Variants in GPATCH1 observed in about 807,000 individuals in gnomAD.
GPATCH1 encodes G-patch domain containing 1.
In GPATCH1, 73 loss-of-function variants were observed where a neutral mutation model predicts 114.9. The ratio of observed to expected loss-of-function variants is 0.64; its 90% CI spans 0.53 to 0.77. The LOEUF (loss-of-function observed/expected upper bound fraction) is 0.77, where lower values mean the gene tolerates loss of function less well. Among genes scored for constraint, GPATCH1 ranks in the 30% least tolerant of loss-of-function variants. The pLI is 0.00. For missense variants in GPATCH1, 1,058 were observed against 1,144.3 expected (o/e 0.92, Z 1.09); for synonymous variants, 391 against 428.4 (o/e 0.91, Z 1.08).
chr19:33,093,685 G>A (rs1001951208), intron 4 of GPATCH1, among the ~76,000 whole-genome samples, 166 bp downstream of exon 4: 2 of 152,116 alleles, frequency 1.3e-5, no homozygotes, highest in African/African-American at 2.4e-5. Flanking sequence ...GTCATTGCAC[G>A]GAGAGATTAA....
intron 17 of GPATCH1, among the ~76,000 whole-genome samples, chr19:33,122,102 T>G (rs1351308847): frequency 6.6e-6 from 1 of 152,008 alleles, no homozygotes; most frequent in Non-Finnish European, 1.5e-5. Flanking sequence ...CACTGCATCC[T>G]CCACCTCCCA....
At chr19:33,093,061 G>A (rs1485091885) in intron 3 of GPATCH1, among the ~76,000 whole-genome samples, 1 of 152,134 alleles carries the variant, frequency 6.6e-6, no homozygotes, top group Admixed American at 6.6e-5. Flanking sequence ...GGTGGTGTGT[G>A]CCTGTAATCC....
At position 33,130,275 on chromosome 19, in the gene GPATCH1, A is replaced by G. The variant is rs1555722409; in HGVS notation, c.*115A>G. ...TTTATATGTAAATTCCTGCTGTAAAATAATTTTTAAAACCTTGACATTTCA... is the reference window on the plus strand; with the variant it reads ...TTTATATGTAAATTCCTGCTGTAAAGTAATTTTTAAAACCTTGACATTTCA... On this transcript the variant is annotated 3_prime_UTR_variant, in exon 20 of 20. Transcript: ENST00000170564. 1 of 652,960 alleles carries G rather than the reference A, an allele frequency of 1.5e-6. No homozygotes were observed. The highest frequency in any genetic ancestry group is 2.6e-6 in the Non-Finnish European group (1 of 385,964). The allele number at this position is 652,960 out of a possible 1,614,324, so 40.4% of individuals were successfully genotyped here.
intron 5 of GPATCH1, among the ~76,000 whole-genome samples, chr19:33,094,813 G>C (rs1038125526): frequency 1.7e-4 from 26 of 152,136 alleles, no homozygotes; most frequent in African/African-American, 6.0e-4. Context: ...CTTATGCTGT[G>C]GGGCAGTATT....
chr19:33,114,558 T>C, intron 15 of GPATCH1, 139 bp downstream of exon 15: 1 of 666,902 alleles, frequency 1.5e-6, no homozygotes, highest in Non-Finnish European at 2.5e-6. Context: ...ATTTGGCTTG[T>C]TTCTAACTTT....
chr19:33,102,605 C>G (rs905111491), intron 9 of GPATCH1, among the ~76,000 whole-genome samples: 28 of 152,076 alleles, frequency 1.8e-4, no homozygotes, highest in African/African-American at 6.5e-4. Context: ...CCATGTTGGT[C>G]AGGCTGGTCT....
intron 15 of GPATCH1, 83 bp from the exon 16 acceptor site, chr19:33,117,742 G>A: frequency 1.1e-6 from 1 of 913,028 alleles, no homozygotes; most frequent in Non-Finnish European, 1.8e-6. Context: ...ATAAATATGT[G>A]TGTCTGGGAG....
Position 33,106,922 on chromosome 19 carries a change from A to G in GPATCH1, c.1285+23A>G. ...AAGGTATGTGCCATGGAGAAGACGG[A>G]AATCATTTCACATAATTCGAGTTAT... On this transcript the variant is annotated intron_variant, in intron 10 of 19. Coordinates refer to ENST00000170564, the MANE Select transcript of GPATCH1 (RefSeq NM_018025.3). 5.8e-6 allele frequency: 9 copies of G among 1,554,252 alleles called. No individual in the cohort carries two copies. The South Asian group carries it at 9.0e-5, about 16-fold the overall frequency.
intron 18 of GPATCH1, 61 bp from the exon 19 acceptor site, chr19:33,126,527 G>A: frequency 6.3e-7 from 1 of 1,598,192 alleles, no homozygotes; most frequent in South Asian, 1.1e-5. Context: ...ACCTTTCATT[G>A]TATTGAATTA....
At chr19:33,101,184 A>C (rs2145316590) in intron 8 of GPATCH1, among the ~76,000 whole-genome samples, 1 of 152,270 alleles carries the variant, frequency 6.6e-6, no homozygotes, top group Admixed American at 6.5e-5. Context: ...TCCACGGGGT[A>C]TATCCTTTGG....
In GPATCH1 at chr19:33,114,282, T is replaced by C. The variant is rs761476530; in HGVS notation, c.2059T>C (p.Ser687Pro). ...KSRKPSRWDT[S>P]KHEKKEDSIS... is the part of the protein sequence containing the mutation. ...AAGAAAACCATCCAGATGGGATACC[T>C]CTAAACACGAAAAGAAAGAAGATTC... Residue 687 changes from serine to proline, a missense_variant, in exon 15 of 20, where the codon TCT becomes CCT. Around this residue, in one of 3 missense-constraint regions of GPATCH1, gnomAD observed 893 missense variants for 977.4 expected, o/e 0.91. Coordinates refer to ENST00000170564, the MANE Select transcript of GPATCH1 (RefSeq NM_018025.3). 1 of 1,612,926 alleles carries C rather than the reference T, an allele frequency of 6.2e-7. No individual in the cohort carries two copies. Among genetic ancestry groups the C allele is most frequent in the African/African-American group, 1.3e-5 (1 of 74,894 alleles).
Position 33,109,759 on chromosome 19 carries a change from AAG to A in GPATCH1, c.1334_1335del (p.Arg445AsnfsTer9). On this transcript the variant is annotated frameshift_variant, in exon 11 of 20. Coordinates refer to ENST00000170564, the MANE Select transcript of GPATCH1 (RefSeq NM_018025.3). LOFTEE classifies it high-confidence loss of function. ...TTAGAATTTCTGTCCCAAAAAGACA[AAG>A]AGAGAATCAAAGAAATGAAGCAGGC... 8 of 1,595,662 alleles carry A rather than the reference AAG, an allele frequency of 5.0e-6. No individual in the cohort carries two copies. The highest frequency in any genetic ancestry group is 3.4e-5 in the South Asian group (3 of 88,270).
chr19:33,112,187 A>G (rs1972862927), intron 12 of GPATCH1, among the ~76,000 whole-genome samples: 1 of 152,050 alleles, frequency 6.6e-6, no homozygotes, highest in Admixed American at 6.6e-5. Flanking sequence ...GCTGGTCTTG[A>G]ACTCCTGACC....
chr19:33,112,403 G>T, intron 12 of GPATCH1, 83 bp from the exon 13 acceptor site: 1 of 1,512,610 alleles, frequency 6.6e-7, no homozygotes, highest in Non-Finnish European at 9.1e-7. Flanking sequence ...AGTTCTAGAA[G>T]ATTGCTTGAA....
rs548720262 is a variant in GPATCH1 at position 33,130,180 on chromosome 19, G to A, written c.*20G>A. On this transcript the variant is annotated 3_prime_UTR_variant, in exon 20 of 20. Transcript: ENST00000170564. ...CAGTAATTGAATGCTGCCCTGGCTC[G>A]TCCTAGAATCATTTCTCCTCCATGA... The A allele has an allele frequency of 3.2e-5, 50 of 1,578,634 alleles. No homozygotes were observed. The highest frequency in any genetic ancestry group is 1.6e-4 in the African/African-American group (12 of 74,268).
At chr19:33,105,514 GTTATTA>G (rs1180488708) in intron 9 of GPATCH1, among the ~76,000 whole-genome samples, 1 of 151,208 alleles carries the variant, frequency 6.6e-6, no homozygotes, top group Admixed American at 6.6e-5. Context: ...AATAACTACA[GTTATTA>G]TTATTATTAA....
chr19:33,084,664 T>C (rs574947609), intron 1 of GPATCH1, among the ~76,000 whole-genome samples: 2 of 151,942 alleles, frequency 1.3e-5, no homozygotes, highest in African/African-American at 4.8e-5. Context: ...TTTTTTTTTT[T>C]TTCTTTTTTT....
intron 1 of GPATCH1, 102 bp downstream of exon 1, chr19:33,081,368 T>A: frequency 5.1e-6 from 4 of 779,692 alleles, no homozygotes; most frequent in Non-Finnish European, 6.2e-6. Context: ...GTTAGATCGT[T>A]CCCAGCGCTG....
chr19:33,103,030 A>G (rs1972744709), intron 9 of GPATCH1, among the ~76,000 whole-genome samples: 1 of 152,210 alleles, frequency 6.6e-6, no homozygotes, highest in Non-Finnish European at 1.5e-5. Flanking sequence ...CTTAGGCCAC[A>G]TGGCGCTCTT....
Sources: gnomAD v4.1 joint callset for allele counts (sites outside exome capture counted in the v4.1 genomes callset) on GRCh38, gnomAD v4.1.1 for gene constraint, gnomAD v4.1.1 regional missense constraint, MANE v1.5 for transcripts, NCBI Gene and HGNC (gene_info 2026-07-23, HGNC 2026-07-21) for gene names.